The following LYN variants were observed in gnomAD, a reference collection of about 807,000 sequenced individuals.
LYN encodes the protein LYN proto-oncogene, Src family tyrosine kinase.
Under a neutral mutation model 65.0 loss-of-function variants are expected in LYN, and 12 were observed. That is an observed-to-expected ratio of 0.18 (90% CI 0.12 to 0.30). The LOEUF is 0.30. Ranked by LOEUF, LYN falls within the 10% of genes least tolerant of loss-of-function variation. LYN has a pLI of 1.00. For missense variants in LYN, 380 were observed against 623.2 expected (o/e 0.61, Z 4.16); for synonymous variants, 222 against 221.2 (o/e 1.00, Z -0.03).
chr8:55,911,651 C>A (rs1025475028), intron 1 of LYN, among the ~76,000 whole-genome samples: 2 of 133,614 alleles, frequency 1.5e-5, no homozygotes, highest in African/African-American at 5.5e-5. Flanking sequence ...TGTATTTTAT[C>A]TGGTAACCCT....
chr8:55,955,030 T>C (rs969634733), intron 8 of LYN: 1 of 152,180 alleles, frequency 6.6e-6, no homozygotes, highest in African/African-American at 2.4e-5. Context: ...GGTCACTTTT[T>C]CTGTGTCAGC....
At chr8:55,939,612 G>T (rs1157741556) in intron 1 of LYN, among the ~76,000 whole-genome samples, 3 of 152,198 alleles carry the variant, frequency 2.0e-5, no homozygotes, top group Admixed American at 2.0e-4. Flanking sequence ...GAGGGAGCTG[G>T]ATCGAGCGGC....
intron 10 of LYN, among the ~76,000 whole-genome samples, chr8:55,981,040 CCCCACCACA>C (rs1488416524): frequency 2.6e-5 from 4 of 152,166 alleles, no homozygotes; most frequent in Non-Finnish European, 5.9e-5. Context: ...TTCAGTGGGT[CCCCACCACA>C]CCCAGAGAGA....
chr8:55,885,334 C>T (rs1804762787), intron 1 of LYN, among the ~76,000 whole-genome samples: 1 of 152,200 alleles, frequency 6.6e-6, no homozygotes. Flanking sequence ...TAGTTGGTCT[C>T]ATTTCCTTTC....
intron 8 of LYN, among the ~76,000 whole-genome samples, chr8:55,955,993 T>A (rs1477018686): frequency 6.6e-6 from 1 of 152,222 alleles, no homozygotes; most frequent in Non-Finnish European, 1.5e-5. Context: ...CACATACAAA[T>A]TATTATGTGG....
chr8:55,888,633 A>C (rs1804866919), intron 1 of LYN, among the ~76,000 whole-genome samples: 1 of 152,228 alleles, frequency 6.6e-6, no homozygotes, highest in African/African-American at 2.4e-5. Context: ...CTGTGACAGC[A>C]ATAGGCTTCA....
At chr8:55,883,190 T>C (rs1298526264) in intron 1 of LYN, among the ~76,000 whole-genome samples, 1 of 152,230 alleles carries the variant, frequency 6.6e-6, no homozygotes, top group Non-Finnish European at 1.5e-5. Flanking sequence ...GTACTTGAAG[T>C]ACAGTTTTTA....
chr8:55,940,350 G>T (rs2130470858), intron 1 of LYN: 1 of 152,282 alleles, frequency 6.6e-6, no homozygotes, highest in East Asian at 1.9e-4. Context: ...TTCTAATGAA[G>T]TTTGTGAGAT....
At chr8:55,957,383 T>C (rs1807152098) in intron 8 of LYN, among the ~76,000 whole-genome samples, 1 of 152,218 alleles carries the variant, frequency 6.6e-6, no homozygotes, top group African/African-American at 2.4e-5. Flanking sequence ...TTCCTATGGA[T>C]ATTTGCTGGC....
At chr8:55,954,839 TAAATAAATAAATA>T (rs1402917781) in intron 8 of LYN, among the ~76,000 whole-genome samples, 1 of 31,446 alleles carries the variant, frequency 3.2e-5, no homozygotes, top group Non-Finnish European at 1.1e-4. Context: ...TGCCTCAAAA[TAAATAAATAAATA>T]AATAAATAAA....
At chr8:55,900,753 C>T (rs934781051) in intron 1 of LYN, among the ~76,000 whole-genome samples, 4 of 152,082 alleles carry the variant, frequency 2.6e-5, no homozygotes. Context: ...TTGGATTAAA[C>T]CTTCTCTTCA....
At chr8:55,942,122 T>A (rs1307862555) in intron 2 of LYN, 131 bp downstream of exon 2, 10 of 894,608 alleles carry the variant, frequency 1.1e-5, no homozygotes, top group Non-Finnish European at 1.7e-5. Flanking sequence ...TAATTTTTGA[T>A]ATGCTTTGTA....
intron 1 of LYN, among the ~76,000 whole-genome samples, chr8:55,892,205 G>A (rs1412995404): frequency 3.3e-5 from 5 of 152,190 alleles, no homozygotes; most frequent in African/African-American, 7.2e-5. Context: ...GATGGATCAC[G>A]AGGTCAGGAG....
intron 1 of LYN, among the ~76,000 whole-genome samples, chr8:55,908,471 C>G (rs531879639): frequency 3.2e-4 from 49 of 152,152 alleles, no homozygotes; most frequent in African/African-American, 1.0e-3. Flanking sequence ...TCTCGAACTC[C>G]TAATCTCAGG....
At chr8:55,990,521 T>G (rs1357092006) in intron 10 of LYN, among the ~76,000 whole-genome samples, 4 of 152,190 alleles carry the variant, frequency 2.6e-5, no homozygotes, top group East Asian at 1.9e-4. Flanking sequence ...ATTTCCCCCA[T>G]AAGAGATGGC....
chr8:55,928,576 GTTGT>G (rs1262524855), intron 1 of LYN, among the ~76,000 whole-genome samples: 2 of 152,120 alleles, frequency 1.3e-5, no homozygotes, highest in African/African-American at 2.4e-5. Flanking sequence ...TAAAAATCAG[GTTGT>G]TTGTTTTCTT....
chr8:55,992,699 T>G (rs962239617), intron 10 of LYN, among the ~76,000 whole-genome samples: 1 of 152,202 alleles, frequency 6.6e-6, no homozygotes, highest in African/African-American at 2.4e-5. Context: ...GATCTAGTGC[T>G]CTGCTTCTCA....
intron 1 of LYN, among the ~76,000 whole-genome samples, chr8:55,918,691 G>A (rs1805849707): frequency 1.3e-5 from 2 of 152,132 alleles, no homozygotes; most frequent in South Asian, 2.1e-4. Flanking sequence ...TGCGGGGTAG[G>A]GGGCAGTGTC....
chr8:56,008,593 T>C (rs751409304), intron 12 of LYN, among the ~76,000 whole-genome samples: 1 of 152,236 alleles, frequency 6.6e-6, no homozygotes, highest in Non-Finnish European at 1.5e-5. Flanking sequence ...GTTATTATTA[T>C]AATGATCTTT....
Sources: gnomAD v4.1 joint callset for allele counts (sites outside exome capture counted in the v4.1 genomes callset) on GRCh38, gnomAD v4.1.1 for gene constraint, MANE v1.5 for transcripts, NCBI Gene and HGNC (gene_info 2026-07-23, HGNC 2026-07-21) for gene names.